LCA5L: variants seen among roughly 807,000 people sequenced by gnomAD.
The protein encoded by LCA5L is lebercilin-like protein.
LCA5L carries 35 observed loss-of-function variants against 45.4 expected under a neutral mutation model. The ratio of observed to expected loss-of-function variants is 0.77; its 90% CI spans 0.59 to 1.02. The LOEUF is 1.02. Ranked by LOEUF, LCA5L falls within the 50% of genes least tolerant of loss-of-function variation. The probability of loss-of-function intolerance (pLI) is 0.00; values close to 1 mark genes in which losing one functional copy is unlikely to be tolerated. For missense variants in LCA5L, 668 were observed against 761.6 expected (o/e 0.88, Z 1.45); for synonymous variants, 233 against 264.7 (o/e 0.88, Z 1.16).
chr21:39,444,525 A>ATCCTTT (rs2077223831), intron 1 of LCA5L: 2 of 152,214 alleles, frequency 1.3e-5, no homozygotes, highest in African/African-American at 4.8e-5. Flanking sequence ...ATCCTTTAAA[A>ATCCTTT]AACTTACTCA....
intron 8 of LCA5L, 49 bp from the exon 9 acceptor site, chr21:39,410,416 A>G (rs778453856): frequency 2.1e-6 from 2 of 961,674 alleles, no homozygotes; most frequent in South Asian, 3.0e-5. Context: ...ACATTTGGAT[A>G]CAATATTGAT....
chr21:39,425,910 A>G (rs2074606459), intron 5 of LCA5L: 1 of 152,298 alleles, frequency 6.6e-6, no homozygotes, highest in Non-Finnish European at 1.5e-5. Context: ...CTAAGGGACT[A>G]AACGCCATGG....
rs66478742 is a variant in LCA5L, at chr21:39,414,742, C to CTGTG, written c.976-2944_976-2941dup. On this transcript the variant is annotated intron_variant, in intron 7 of 10. Coordinates refer to ENST00000288350, the MANE Select transcript of LCA5L (RefSeq NM_152505.4). ...TCTCTCTCTCTCTCTCTCTCTCTCT[C>CTGTG]TGTGTGTGTGTGTGTGTGTGTGTGT... Among the ~76,000 whole-genome samples, 191 of 99,214 alleles carry CTGTG rather than the reference C, an allele frequency of 1.9e-3. 1 individual carries two copies. The highest frequency in any genetic ancestry group is 0.018 in the South Asian group (42 of 2,326). The allele number at this position is 99,214 out of a possible 152,430, so 65.1% of individuals were successfully genotyped here.
rs750393482 is a variant in LCA5L at position 39,422,980 on chromosome 21, A to G, written c.833T>C (p.Ile278Thr). 3.1e-6 allele frequency: 5 copies of G among 1,613,026 alleles called. No homozygotes were observed. Among genetic ancestry groups the G allele is most frequent in the Non-Finnish European group, 4.2e-6 (5 of 1,179,778 alleles). ...TTKMDANDKK[I>T]QSLEKQLRLN... is the part of the protein sequence containing the mutation. Reference sequence around the variant, plus strand: ...CTGGGCCCCTGAAATACAGACCTGTATTTTTTTGTCATTTGCGTCCATTTT... The same window carrying G: ...CTGGGCCCCTGAAATACAGACCTGTGTTTTTTTGTCATTTGCGTCCATTTT... Residue 278 changes from isoleucine to threonine, a missense_variant, in exon 6 of 11, where the codon ATA becomes ACA. Transcript: ENST00000288350.
intron 7 of LCA5L, among the ~76,000 whole-genome samples, chr21:39,415,858 T>C (rs975728727): frequency 6.6e-6 from 1 of 152,220 alleles, no homozygotes; most frequent in African/African-American, 2.4e-5. Context: ...CATCCCATCC[T>C]GAGCATGTTC....
intron 2 of LCA5L, among the ~76,000 whole-genome samples, chr21:39,441,004 G>A (rs995454866): frequency 6.6e-6 from 1 of 151,926 alleles, no homozygotes; most frequent in African/African-American, 2.4e-5. Flanking sequence ...GAAATTTTGC[G>A]AGTCACTCTA....
intron 7 of LCA5L, among the ~76,000 whole-genome samples, chr21:39,419,543 G>A (rs114286336): frequency 1.6e-3 from 224 of 138,646 alleles, no homozygotes; most frequent in Middle Eastern, 3.7e-3. Context: ...AAAGAAAAAA[G>A]AAAAAAGAAA....
chr21:39,423,596 A>G, intron 5 of LCA5L, 106 bp from the exon 6 acceptor site: 1 of 914,092 alleles, frequency 1.1e-6, no homozygotes, highest in Non-Finnish European at 1.6e-6. Flanking sequence ...CACACCACAC[A>G]CATACACACA....
Position 39,414,742 on chromosome 21 carries a change from C to CTCTG in LCA5L, c.976-2941_976-2940insCAGA, listed in dbSNP as rs1341489035. 7.3e-3 allele frequency among the ~76,000 whole-genome samples: 728 copies of CTCTG among 99,226 alleles called. 5 individuals carry two copies. The highest frequency in any genetic ancestry group is 8.5e-3 in the African/African-American group (194 of 22,732). 65.1% of individuals were successfully genotyped at this position (99,226 alleles called of 152,430 possible). A position where few individuals can be genotyped will look rare whatever the true frequency, so the allele number is the denominator to read the frequency against. On this transcript the variant is annotated intron_variant, in intron 7 of 10. Coordinates refer to ENST00000288350, the MANE Select transcript of LCA5L (RefSeq NM_152505.4). ...TCTCTCTCTCTCTCTCTCTCTCTCT[C>CTCTG]TGTGTGTGTGTGTGTGTGTGTGTGT...
At chr21:39,439,187 C>T (rs899455953) in intron 2 of LCA5L, among the ~76,000 whole-genome samples, 7 of 152,152 alleles carry the variant, frequency 4.6e-5, no homozygotes, top group Admixed American at 1.3e-4. Flanking sequence ...GGAGAAGACA[C>T]GACGCTGCTG....
chr21:39,410,417 C>T (rs754347167), intron 8 of LCA5L, 50 bp from the exon 9 acceptor site: 7 of 950,990 alleles, frequency 7.4e-6, no homozygotes, highest in East Asian at 2.5e-5. Flanking sequence ...CATTTGGATA[C>T]AATATTGATT....
At chr21:39,426,200 T>A (rs1835993450) in intron 5 of LCA5L, among the ~76,000 whole-genome samples, 1 of 152,098 alleles carries the variant, frequency 6.6e-6, no homozygotes, top group African/African-American at 2.4e-5. Flanking sequence ...GCCAGGTTTG[T>A]TGGCTTCAGA....
chr21:39,408,368 A>G (rs2039468667), intron 10 of LCA5L, among the ~76,000 whole-genome samples: 1 of 152,226 alleles, frequency 6.6e-6, no homozygotes, highest in Admixed American at 6.5e-5. Flanking sequence ...GGAATTTACC[A>G]AGAAAGAGGA....
At position 39,423,418 on chromosome 21, in the gene LCA5L, A is replaced by G. The variant is rs541698626; in HGVS notation, c.395T>C (p.Ile132Thr). The change falls in exon 6 of 11, where the codon ATT (isoleucine) becomes ACT (threonine). Residue 132 changes from isoleucine (I) to threonine (T), a missense_variant. Ile to Thr is a moderately conservative substitution (Grantham distance 89). Transcript: ENST00000288350. The stretch of plus-strand genomic sequence containing the variant: ...AGCCATAGCATCTCTTCTTTGGGCA[A>G]TCATATGGATTTGAGAATTAAAGAG... ...ASLFNSQIHM[I>T]AQRRDAMAHR... 2.5e-6 allele frequency: 4 copies of G among 1,601,534 alleles called. No homozygotes were observed. The highest frequency in any genetic ancestry group is 1.1e-5 in the South Asian group (1 of 88,768).
chr21:39,445,132 T>C (rs1450065933), intron 1 of LCA5L, among the ~76,000 whole-genome samples: 1 of 152,036 alleles, frequency 6.6e-6, no homozygotes, highest in Non-Finnish European at 1.5e-5. Flanking sequence ...AACCGTTGGC[T>C]TAAGTGTGGC....
chr21:39,428,864 T>A (rs1246915842), intron 4 of LCA5L, among the ~76,000 whole-genome samples: 1 of 151,818 alleles, frequency 6.6e-6, no homozygotes, highest in East Asian at 1.9e-4. Flanking sequence ...TCCTCCCACC[T>A]TGGTCTCACA....
Position 39,423,383 on chromosome 21 carries a change from G to A in LCA5L, c.430C>T (p.Leu144Phe). 1.2e-6 allele frequency: 2 copies of A among 1,611,540 alleles called. No individual in the cohort carries two copies. The highest frequency in any genetic ancestry group is 3.3e-5 in the Admixed American group (2 of 59,926). ...TTAATTTTATGAAGCCTTGCTGAGA[G>A]TATTCGATGAGCCATAGCATCTCTT... ...QRRDAMAHRI[L>F]SARLHKIKGL... The change falls in exon 6 of 11, where the codon CTC (leucine) becomes TTC (phenylalanine). Residue 144 changes from leucine to phenylalanine, a missense_variant. Transcript: ENST00000288350.
chr21:39,414,744 G>C (rs7275383), intron 7 of LCA5L, among the ~76,000 whole-genome samples: 9,567 of 104,894 alleles, frequency 0.091, 288 homozygotes, highest in East Asian at 0.14. Flanking sequence ...CTCTCTCTCT[G>C]TGTGTGTGTG....
intron 10 of LCA5L, among the ~76,000 whole-genome samples, chr21:39,407,063 C>T (rs1425442485): frequency 6.6e-6 from 1 of 152,024 alleles, no homozygotes; most frequent in Admixed American, 6.6e-5. Flanking sequence ...CCTGTCTCTA[C>T]AAAAAATACA....
Sources: allele counts gnomAD v4.1 joint callset (sites outside exome capture counted in the v4.1 genomes callset), GRCh38; gene constraint gnomAD v4.1.1; transcripts MANE v1.5; gene names NCBI Gene and HGNC (gene_info 2026-07-23, HGNC 2026-07-21).